Variants in TSC2 observed in about 807,000 individuals in gnomAD.
TSC2 encodes TSC complex subunit 2.
TSC2 carries 29 observed loss-of-function variants against 202.2 expected under a neutral mutation model. The ratio of observed to expected loss-of-function variants is 0.14; its 90% CI spans 0.11 to 0.20. TSC2 has a LOEUF of 0.20. TSC2 is among the 10% of genes least tolerant of loss of function. The pLI is 1.00. For synonymous variants in TSC2, 1,349 were observed against 1,044.0 expected (o/e 1.29, Z -5.63); for missense variants, 2,429 against 2,420.0 (o/e 1.00, Z -0.08).
rs45517354 is a variant in TSC2, at chr16:2,085,298, C to A, written c.4638C>A (p.Ala1546=). The change falls in exon 36 of 42, where the codon GCC becomes GCA. Residue 1546 remains alanine, a synonymous_variant. Coordinates refer to ENST00000219476, the MANE Select transcript of TSC2 (RefSeq NM_000548.5). ...CATCATACGACACCCACAAGATCGCCGTCCTGTATGTTGGAGAAGGCCAGG... is the reference window on the plus strand; with the variant it reads ...CATCATACGACACCCACAAGATCGCAGTCCTGTATGTTGGAGAAGGCCAGG... ...QIPSYDTHKI[A]VLYVGEGQSN... The A allele has an allele frequency of 6.2e-7, 1 of 1,612,710 alleles. No individual in the cohort carries two copies. The highest frequency in any genetic ancestry group is 8.5e-7 in the Non-Finnish European group (1 of 1,179,942).
intron 32 of TSC2, chr16:2,083,215 C>T (rs2151502339): frequency 2.2e-6 from 1 of 459,444 alleles, no homozygotes; most frequent in Non-Finnish European, 4.4e-6. Context: ...ACCCTCTCTC[C>T]TTAGCGTCCC....
intron 23 of TSC2, 75 bp downstream of exon 23, chr16:2,075,967 C>G: frequency 6.2e-7 from 1 of 1,612,048 alleles, no homozygotes; most frequent in Non-Finnish European, 8.5e-7. Flanking sequence ...GCCCCGGCAG[C>G]CTTTGTCCCC....
rs772640324 is a variant in TSC2, at chr16:2,079,288, C to T, written c.3144C>T (p.Gly1048=). ...FTAVPKRSPV[G]EFLLAGGRTK... The stretch of plus-strand genomic sequence containing the variant: ...CCCTGTCTTCTAGGTCTCCTGTGGG[C>T]GAGTTCCTCCTAGCGGGTGGCAGGA... Residue 1048 remains glycine, a synonymous_variant, in exon 28 of 42, where the codon GGC becomes GGT. Transcript: ENST00000219476. This position sits in a 1 kb window ranked among gnomAD's most constrained non-coding sequence, Gnocchi z 4.6. The T allele has an allele frequency of 2.5e-6, 4 of 1,612,974 alleles. No homozygotes were observed. The highest frequency in any genetic ancestry group is 1.7e-6 in the Non-Finnish European group (2 of 1,180,014).
chr16:2,056,308 G>T (rs376590558), intron 7 of TSC2, 64 bp downstream of exon 7: 4 of 1,604,948 alleles, frequency 2.5e-6, no homozygotes, highest in Non-Finnish European at 3.4e-6. Context: ...CTGGGGCTTG[G>T]GGGTTGAGCC....
chr16:2,069,093 G>A (rs1868976284), intron 16 of TSC2, among the ~76,000 whole-genome samples: 1 of 152,090 alleles, frequency 6.6e-6, no homozygotes, highest in African/African-American at 2.4e-5. Context: ...CTGTTCGAGG[G>A]TCAGAGAGTT....
At position 2,088,268 on chromosome 16, in the gene TSC2, T is replaced by TC; in HGVS notation, c.5202_5203insC (p.Ile1735HisfsTer40). The TC allele has an allele frequency of 6.3e-7, 1 of 1,585,578 alleles. No homozygotes were observed. The highest frequency in any genetic ancestry group is 1.1e-5 in the South Asian group (1 of 89,704). ...ATCATAGCCGCTCCAACCCCACCGATATCTACCCCTCCAAGTGGATTGCCC... is the reference window on the plus strand; with the variant it reads ...ATCATAGCCGCTCCAACCCCACCGATCATCTACCCCTCCAAGTGGATTGCCC... On this transcript the variant is annotated frameshift_variant, in exon 41 of 42. Transcript: ENST00000219476. LOFTEE classifies it high-confidence loss of function.
chr16:2,061,106 T>G (rs2086583400), intron 11 of TSC2: 25 of 460,862 alleles, frequency 5.4e-5, no homozygotes, highest in South Asian at 5.0e-4. Context: ...CTTCGTGGCC[T>G]GAGTGGGCCC....
intron 33 of TSC2, 37 bp downstream of exon 33, chr16:2,083,853 G>C (rs753663813): frequency 1.3e-6 from 2 of 1,595,292 alleles, no homozygotes; most frequent in African/African-American, 1.3e-5. Flanking sequence ...TGCTGACCTC[G>C]GGGGGCTCCT....
At chr16:2,055,255 T>G (rs1202148895) in intron 5 of TSC2, 147 bp from the exon 6 acceptor site, 2 of 746,830 alleles carry the variant, frequency 2.7e-6, no homozygotes, top group African/African-American at 3.4e-5. Flanking sequence ...TCGGGCCCAG[T>G]GCGTGGTCTG....
intron 10 of TSC2, among the ~76,000 whole-genome samples, chr16:2,059,517 T>G (rs1458396775): frequency 1.4e-5 from 2 of 144,980 alleles, no homozygotes; most frequent in South Asian, 2.2e-4. Flanking sequence ...TGGTTTTTTT[T>G]TTTTTTTTTT....
chr16:2,080,433 T>C, intron 30 of TSC2, 56 bp downstream of exon 30: 1 of 1,595,196 alleles, frequency 6.3e-7, no homozygotes, highest in Non-Finnish European at 8.6e-7. Context: ...CACAGAGCTG[T>C]GGACACTCAG....
At chr16:2,082,685 C>A (rs1282532111) in intron 32 of TSC2, 181 bp downstream of exon 32, 1 of 700,954 alleles carries the variant, frequency 1.4e-6, no homozygotes, top group East Asian at 2.7e-5. Flanking sequence ...GCGGGATCCC[C>A]TTGACTTGGT....
In TSC2 at chr16:2,079,481, C is replaced by A; in HGVS notation, c.3284+53C>A. On this transcript the variant is annotated intron_variant, in intron 28 of 41. Coordinates refer to ENST00000219476, the MANE Select transcript of TSC2 (RefSeq NM_000548.5). This position sits in a 1 kb window ranked among gnomAD's most constrained non-coding sequence, Gnocchi z 4.6. The stretch of plus-strand genomic sequence containing the variant: ...CTGCCAGCCTCGACACCGGCTGTCC[C>A]GAGCCCAGGCCCACGTGGCACCCTC... The A allele has an allele frequency of 6.2e-7, 1 of 1,610,354 alleles. No individual in the cohort carries two copies. Among genetic ancestry groups the A allele is most frequent in the Non-Finnish European group, 8.5e-7 (1 of 1,178,902 alleles).
At chr16:2,054,617 G>T (rs578041874) in intron 5 of TSC2, 177 bp downstream of exon 5, 5 of 906,722 alleles carry the variant, frequency 5.5e-6, no homozygotes, top group African/African-American at 1.6e-5. Flanking sequence ...CCTGAGGCAC[G>T]TGTTAAAAAT....
At chr16:2,055,567 C>A in intron 6 of TSC2, 48 bp downstream of exon 6, 2 of 1,551,504 alleles carry the variant, frequency 1.3e-6, no homozygotes, top group Non-Finnish European at 8.9e-7. Context: ...CTAAGTTCAG[C>A]TCCGCAGTGA....
At chr16:2,086,619 G>T in intron 37 of TSC2, 113 bp from the exon 38 acceptor site, 1 of 1,526,680 alleles carries the variant, frequency 6.6e-7, no homozygotes, top group Non-Finnish European at 8.8e-7. Flanking sequence ...ACCAGAGGAC[G>T]TGGTCCCCGC....
At chr16:2,064,624 C>G (rs2087067582) in intron 15 of TSC2, 197 bp downstream of exon 15, 16 of 811,184 alleles carry the variant, frequency 2.0e-5, no homozygotes, top group Non-Finnish European at 3.1e-5. Flanking sequence ...GACTGAAAGT[C>G]CTGGACATGG....
Position 2,081,586 on chromosome 16 carries a change from C to T in TSC2, c.3611-9C>T, listed in dbSNP as rs45517304. On this transcript the variant is annotated splice_polypyrimidine_tract_variant and intron_variant, in intron 30 of 41. Coordinates refer to ENST00000219476, the MANE Select transcript of TSC2 (RefSeq NM_000548.5). ...TGGCCTCAGGCCAAAGGTGCTGCCG[C>T]CTCCGCAGGGAACACCAGCTGGCTG... The T allele has an allele frequency of 3.1e-6, 5 of 1,612,868 alleles. No homozygotes were observed. Among genetic ancestry groups the T allele is most frequent in the Non-Finnish European group, 3.4e-6 (4 of 1,179,988 alleles).
At chr16:2,086,576 C>A (rs528287805) in intron 37 of TSC2, among the ~76,000 whole-genome samples, 156 bp from the exon 38 acceptor site, 1 of 152,194 alleles carries the variant, frequency 6.6e-6, no homozygotes, top group Non-Finnish European at 1.5e-5. Flanking sequence ...CAAAGCCCTG[C>A]CCCTGGGGAG....
Sources: gnomAD v4.1 joint callset for allele counts (sites outside exome capture counted in the v4.1 genomes callset) on GRCh38, gnomAD v4.1.1 for gene constraint, Gnocchi (gnomAD v3.1) non-coding constraint, MANE v1.5 for transcripts, NCBI Gene and HGNC (gene_info 2026-07-23, HGNC 2026-07-21) for gene names.